Variants in HELZ2 observed in about 807,000 individuals in gnomAD.
HELZ2 encodes 3'-5' exoribonuclease HELZ2.
A neutral mutation model predicts 208.8 loss-of-function variants in HELZ2; 143 were observed. The ratio of observed to expected loss-of-function variants is 0.68; its 90% confidence interval spans 0.60 to 0.79. The LOEUF (loss-of-function observed/expected upper bound fraction) is 0.79, where lower values mean the gene tolerates loss of function less well. HELZ2 is among the 30% of genes least tolerant of loss of function. HELZ2 has a pLI of 0.00. For missense variants in HELZ2, 3,690 were observed against 3,794.5 expected (o/e 0.97, Z 0.72); for synonymous variants, 1,705 against 1,693.7 (o/e 1.01, Z -0.16).
chr20:63,564,424 C>A (rs1361757208), exon 8 of HELZ2: 5 of 1,549,492 alleles, frequency 3.2e-6, no homozygotes, highest in Non-Finnish European at 4.4e-6. Context: ...CCGGGTGCTG[C>A]CTGATCACCT....
intron 3 of HELZ2, chr20:63,570,073 C>G: frequency 2.4e-6 from 1 of 412,472 alleles, no homozygotes; most frequent in Middle Eastern, 7.9e-4. Flanking sequence ...CTCAGCCTCC[C>G]GAGTAGATGG....
exon 1 of HELZ2, chr20:63,572,357 C>A: frequency 6.4e-7 from 1 of 1,557,862 alleles, no homozygotes; most frequent in Non-Finnish European, 8.7e-7. Flanking sequence ...CTGGAGGCCA[C>A]CCAGCTGCTC....
chr20:63,562,836 C>T (rs2082904220), exon 8 of HELZ2: 1 of 1,610,256 alleles, frequency 6.2e-7, no homozygotes, highest in Non-Finnish European at 8.5e-7. Flanking sequence ...GCACAGTTCT[C>T]CTCGAGGAAG....
exon 5 of HELZ2, chr20:63,568,640 T>C: frequency 6.2e-7 from 1 of 1,604,134 alleles, no homozygotes; most frequent in Non-Finnish European, 8.5e-7. Flanking sequence ...GTCCACTGCC[T>C]GGTGCCAGAG....
At chr20:63,567,712 C>A in intron 5 of HELZ2, 85 bp from the exon 7 acceptor site, 1 of 1,499,404 alleles carries the variant, frequency 6.7e-7, no homozygotes, top group Non-Finnish European at 8.9e-7. Context: ...CCCAGCCGAG[C>A]TGCCCCTGAG....
exon 8 of HELZ2, chr20:63,566,191 G>C: frequency 1.3e-6 from 2 of 1,517,776 alleles, no homozygotes. Context: ...GGCTCTGGCA[G>C]GTGTGCACAG....
downstream of HELZ2, chr20:63,558,545 GT>G (rs911707952): frequency 1.8e-3 from 260 of 147,042 alleles, 1 homozygote; most frequent in Middle Eastern, 0.01. Context: ...GTTTTGTTTT[GT>G]TTTTTTTTTT....
chr20:63,569,725 C>T, intron 3 of HELZ2, 60 bp from the exon 5 acceptor site: 1 of 1,437,068 alleles, frequency 7.0e-7, no homozygotes, highest in Non-Finnish European at 9.1e-7. Context: ...TCCCGAGAGG[C>T]AGCCTGGCCA....
rs766667623 is a variant in HELZ2 at position 63,563,076 on chromosome 20, C to T, written c.5746G>A (p.Val1916Met). The T allele has an allele frequency of 2.1e-5, 33 of 1,598,040 alleles. No homozygotes were observed. In the Admixed American group the frequency reaches 4.1e-4, roughly 20 times the overall value. Residue 1916 changes from valine to methionine, a missense_variant, in exon 8 of 19, where the codon GTG becomes ATG. Val to Met is a conservative substitution (Grantham distance 21). Coordinates refer to ENST00000467148, the Ensembl canonical transcript of HELZ2. The stretch of plus-strand genomic sequence containing the variant: ...GAGAAGCAGTCTCCGGGCCGCTCCA[C>T]GTGCTCCAGGCAGAGGCTGAAGCCC...
chr20:63,573,893 A>C (rs1329082091), upstream of HELZ2, among the ~76,000 whole-genome samples: 1 of 152,138 alleles, frequency 6.6e-6, no homozygotes, highest in Non-Finnish European at 1.5e-5. This position sits in a 1 kb window ranked among gnomAD's most constrained non-coding sequence, Gnocchi z 4.9. Flanking sequence ...AAAACATCCG[A>C]GTCTGCCATC....
intron 3 of HELZ2, 25 bp from the exon 5 acceptor site, chr20:63,569,690 G>C (rs1160992738): frequency 2.7e-6 from 4 of 1,491,260 alleles, no homozygotes; most frequent in Non-Finnish European, 2.7e-6. Flanking sequence ...AGACGGTGAG[G>C]GGGGCCCAGG....
exon 8 of HELZ2, chr20:63,565,488 T>C (rs1476916048): frequency 6.2e-7 from 1 of 1,607,056 alleles, no homozygotes; most frequent in Non-Finnish European, 8.5e-7. Context: ...GGGGGCAGGT[T>C]CTCGTACAGC....
exon 8 of HELZ2, chr20:63,564,893 G>C: frequency 1.9e-6 from 3 of 1,612,154 alleles, no homozygotes; most frequent in Non-Finnish European, 2.5e-6. Context: ...CTGGTCCGAC[G>C]GGGGCACCCT....
Position 63,569,630 on chromosome 20 carries a change from C to A in HELZ2, c.606G>T (p.Glu202Asp). 6.5e-7 allele frequency: 1 copy of A among 1,546,150 alleles called. No homozygotes were observed. Among genetic ancestry groups the A allele is most frequent in the Non-Finnish European group, 8.7e-7 (1 of 1,144,680 alleles). ...CCACCAGAGAGAAGTCGGCTCCTGG[C>A]TCCTGCTTCAGCAGGGCCACGTGTA... The change falls in exon 4 of 19, where the codon GAG (glutamate) becomes GAT (aspartate). Residue 202 changes from glutamate (E) to aspartate (D), a missense_variant. Physicochemically the swap from Glu to Asp is conservative, Grantham distance 45 (BLOSUM62 2). Transcript: ENST00000467148.
exon 6 of HELZ2, chr20:63,567,319 G>T (rs1233123660): frequency 1.9e-6 from 3 of 1,609,432 alleles, no homozygotes; most frequent in Non-Finnish European, 2.5e-6. Flanking sequence ...ATAGGCCAGC[G>T]GGGTGAGGGC....
At chr20:63,560,131 G>GGCCC in intron 17 of HELZ2, 36 bp from the exon 19 acceptor site, 31 of 1,530,486 alleles carry the variant, frequency 2.0e-5, no homozygotes, top group East Asian at 2.4e-5. Flanking sequence ...CTGCCGCTGC[G>GGCCC]CCCACCCTCC....
intron 1 of HELZ2, 68 bp downstream of exon 2, chr20:63,572,040 G>A (rs2083020419): frequency 1.3e-6 from 2 of 1,499,540 alleles, no homozygotes; most frequent in Admixed American, 2.2e-5. Context: ...CCAAGCTCCT[G>A]GGAACCTCTG....
exon 6 of HELZ2, chr20:63,566,986 C>A (rs199628657): frequency 1.9e-6 from 3 of 1,611,620 alleles, no homozygotes; most frequent in Non-Finnish European, 2.5e-6. Context: ...GGACATGTCC[C>A]GGTCTGGGCT....
chr20:63,570,003 C>T, intron 3 of HELZ2: 2 of 466,802 alleles, frequency 4.3e-6, no homozygotes, highest in Non-Finnish European at 7.8e-6. Context: ...GGCTGGAGTG[C>T]AATGGCGCGA....
Sources: allele counts gnomAD v4.1 joint callset (sites outside exome capture counted in the v4.1 genomes callset), GRCh38; gene constraint gnomAD v4.1.1; non-coding constraint Gnocchi (gnomAD v3.1); transcripts MANE v1.5; gene names NCBI Gene and HGNC (gene_info 2026-07-23, HGNC 2026-07-21).